FCAR: variants seen among roughly 807,000 people sequenced by gnomAD.
FCAR encodes the protein immunoglobulin alpha Fc receptor.
In FCAR, 21 loss-of-function variants were observed where a neutral mutation model predicts 27.1. The ratio of observed to expected loss-of-function variants is 0.77; its 90% confidence interval spans 0.55 to 1.11. The LOEUF (loss-of-function observed/expected upper bound fraction) is 1.11. Among genes scored for constraint, FCAR ranks in the 50% most tolerant of loss-of-function variants. FCAR has a pLI of 0.00. For missense variants in FCAR, 404 were observed against 358.4 expected (o/e 1.13, Z -1.03); for synonymous variants, 134 against 135.8 (o/e 0.99, Z 0.09).
Position 54,889,816 on chromosome 19 carries a change from T to C in FCAR, c.817T>C (p.Cys273Arg). The C allele has an allele frequency of 6.2e-7, 1 of 1,610,554 alleles. No individual in the cohort carries two copies. Among genetic ancestry groups the C allele is most frequent in the African/African-American group, 1.3e-5 (1 of 75,036 alleles). Residue 273 changes from cysteine to arginine, a missense_variant, in exon 5 of 5, where the codon TGT becomes CGT. Physicochemically the swap from Cys to Arg is radical, Grantham distance 180. Transcript: ENST00000355524. Reference protein sequence around the residue: ...VAEPSWSQQMCQPGLTFARTP... With the variant: ...VAEPSWSQQMRQPGLTFARTP... ...TGAACCGAGCTGGAGCCAACAGATG[T>C]GTCAGCCAGGATTGACCTTTGCACG...
intron 4 of FCAR, chr19:54,888,961 A>C (rs1349591273): frequency 1.1e-6 from 1 of 941,432 alleles, no homozygotes; most frequent in African/African-American, 1.8e-5. Flanking sequence ...CCAGCTACTC[A>C]GGAGGCTGAG....
Position 54,888,248 on chromosome 19 carries a change from CT to C in FCAR, c.604del (p.Tyr202ThrfsTer27). ...GCTACGGTTGGTACAACAGGAGCCCCTACCTGTGGTCCTTCCCCAGTAATGC... is the reference window on the plus strand; with the variant it reads ...GCTACGGTTGGTACAACAGGAGCCCCACCTGTGGTCCTTCCCCAGTAATGC... ...RCYGWYNRSPYLWSFPSNALE... is the reference protein window; with the variant it reads ...RCYGWYNRSPXLWSFPSNALE... On this transcript the variant is annotated frameshift_variant, in exon 4 of 5. Transcript: ENST00000355524. LOFTEE classifies it high-confidence loss of function. 1.2e-6 allele frequency: 2 copies of C among 1,614,154 alleles called. No individual in the cohort carries two copies. Among genetic ancestry groups the C allele is most frequent in the Non-Finnish European group, 1.7e-6 (2 of 1,179,996 alleles).
chr19:54,885,619 A>T, intron 3 of FCAR, 94 bp downstream of exon 3: 1 of 963,978 alleles, frequency 1.0e-6, no homozygotes, highest in South Asian at 1.7e-5. Context: ...ACAAACAAAA[A>T]AAAATTGATG....
At position 54,888,162 on chromosome 19, in the gene FCAR, G is replaced by A; in HGVS notation, c.517G>A (p.Glu173Lys). The A allele has an allele frequency of 6.2e-7, 1 of 1,614,152 alleles. No individual in the cohort carries two copies. The highest frequency in any genetic ancestry group is 1.1e-5 in the South Asian group (1 of 91,080). Residue 173 changes from glutamate to lysine, a missense_variant, in exon 4 of 5, where the codon GAA becomes AAA. By Grantham distance (56) the Glu-to-Lys change is moderately conservative. Transcript: ENST00000355524. ...TTCTCTGCCACAGCACCAAAGTGGG[G>A]AACACCCGGCCAACTTCTCTTTGGG... Reference protein sequence around the residue: ...ELSLPQHQSGEHPANFSLGPV... With the variant: ...ELSLPQHQSGKHPANFSLGPV...
chr19:54,877,471 C>A (rs937077858), intron 2 of FCAR, among the ~76,000 whole-genome samples: 2 of 151,896 alleles, frequency 1.3e-5, no homozygotes, highest in Admixed American at 1.3e-4. Context: ...TTGTGTTTAT[C>A]CGGATCATCT....
At position 54,891,203 on chromosome 19, in the gene FCAR, G is replaced by C. The variant is rs1052609583; in HGVS notation, c.*1340G>C. On this transcript the variant is annotated 3_prime_UTR_variant, in exon 5 of 5. Transcript: ENST00000355524. ...ACTTTACTCAAGGAAATCTAAGTTG[G>C]TCATATGTGGCTCTTTCACTGATTG... 4 of 152,060 alleles carry C rather than the reference G, an allele frequency of 2.6e-5. No individual in the cohort carries two copies. Among genetic ancestry groups the C allele is most frequent in the Non-Finnish European group, 4.4e-5 (3 of 68,022 alleles). The allele number at this position is 152,060 out of a possible 1,614,324, so 9.4% of individuals were successfully genotyped here. A position where few individuals can be genotyped will look rare whatever the true frequency, so the allele number is the denominator to read the frequency against.
chr19:54,886,008 T>A (rs891441517), intron 3 of FCAR, among the ~76,000 whole-genome samples: 2 of 151,334 alleles, frequency 1.3e-5, no homozygotes, highest in Admixed American at 1.3e-4. Flanking sequence ...ACACTTTGGG[T>A]GGCTGAGGTG....
At position 54,887,358 on chromosome 19, in the gene FCAR, C is replaced by G. The variant is rs778015848; in HGVS notation, c.362-649C>G. 2.0e-5 allele frequency among the ~76,000 whole-genome samples: 3 copies of G among 151,746 alleles called. 1 individual carries two copies. The highest frequency in any genetic ancestry group is 2.0e-4 in the Admixed American group (3 of 15,224). ...AAAAGAGGCTGGGCACTGTGGTTCA[C>G]GCCTGTAATCCCAGCACTTTGGGAG... On this transcript the variant is annotated intron_variant, in intron 3 of 4. Transcript: ENST00000355524.
In FCAR at chr19:54,891,267, A is replaced by G. The variant is rs1255272615; in HGVS notation, c.*1404A>G. 2.6e-5 allele frequency: 4 copies of G among 152,324 alleles called. No individual in the cohort carries two copies. Among genetic ancestry groups the G allele is most frequent in the East Asian group, 1.9e-4 (1 of 5,188 alleles). The allele number at this position is 152,324 out of a possible 1,614,324, so 9.4% of individuals were successfully genotyped here. A position where few individuals can be genotyped will look rare whatever the true frequency, so the allele number is the denominator to read the frequency against. On this transcript the variant is annotated 3_prime_UTR_variant, in exon 5 of 5. Transcript: ENST00000355524. ...TGTCCAGTAGCTTATGTATGAAAAT[A>G]TAATTATAAAATGTAAGGGTCCTAC...
At chr19:54,879,040 A>T (rs973780778) in intron 2 of FCAR, among the ~76,000 whole-genome samples, 1 of 132,590 alleles carries the variant, frequency 7.5e-6, no homozygotes, top group African/African-American at 2.8e-5. Context: ...CACCACGCCC[A>T]GCTATTTTTT....
Position 54,889,723 on chromosome 19 carries a change from T to C in FCAR, c.724T>C (p.Leu242=). 1 of 1,614,122 alleles carries C rather than the reference T, an allele frequency of 6.2e-7. No homozygotes were observed. The highest frequency in any genetic ancestry group is 1.1e-5 in the South Asian group (1 of 91,074). Residue 242 remains leucine (L), a synonymous_variant, in exon 5 of 5, where the codon TTG becomes CTG. Transcript: ENST00000355524. The part of the protein sequence containing the change: ...AVAGLVLVAL[L]AILVENWHSH... ...GGCAGGACTGGTCCTCGTGGCTCTC[T>C]TGGCCATACTGGTTGAAAATTGGCA...
At chr19:54,874,743 T>C (rs1174663515) in intron 1 of FCAR, among the ~76,000 whole-genome samples, 3 of 152,260 alleles carry the variant, frequency 2.0e-5, no homozygotes, top group Admixed American at 6.5e-5. Flanking sequence ...TCAACAAAGA[T>C]ATTATCCAGA....
chr19:54,874,450 A>C (rs977663759), intron 1 of FCAR, 127 bp downstream of exon 1: 3 of 884,842 alleles, frequency 3.4e-6, no homozygotes, highest in Non-Finnish European at 5.4e-6. Context: ...TCCTTAGTGG[A>C]AAGGCCGTCT....
Position 54,890,101 on chromosome 19 carries a change from A to G in FCAR, c.*238A>G. 1 of 571,492 alleles carries G rather than the reference A, an allele frequency of 1.7e-6. No homozygotes were observed. The highest frequency in any genetic ancestry group is 2.9e-5 in the East Asian group (1 of 34,210). The allele number at this position is 571,492 out of a possible 1,614,324, so 35.4% of individuals were successfully genotyped here. ...CCCAAGTAGCTGGAATTACAGGCAC[A>G]TACCACTGCACCCAGCTAATTTTTG... On this transcript the variant is annotated 3_prime_UTR_variant, in exon 5 of 5. Transcript: ENST00000355524.
At chr19:54,879,337 T>C (rs2066281920) in intron 2 of FCAR, among the ~76,000 whole-genome samples, 1 of 152,212 alleles carries the variant, frequency 6.6e-6, no homozygotes, top group Admixed American at 6.5e-5. Flanking sequence ...TGTTTTATAG[T>C]GTCACTGGTT....
intron 1 of FCAR, among the ~76,000 whole-genome samples, chr19:54,874,668 A>G (rs1340799350): frequency 6.6e-6 from 1 of 151,970 alleles, no homozygotes; most frequent in African/African-American, 2.4e-5. Context: ...GAAGGAAAAC[A>G]TATGATAGAA....
chr19:54,876,382 G>A (rs918698203), intron 2 of FCAR, among the ~76,000 whole-genome samples: 1 of 152,196 alleles, frequency 6.6e-6, no homozygotes, highest in East Asian at 1.9e-4. Context: ...GAAGTAGTGA[G>A]AGACGGCATC....
intron 3 of FCAR, among the ~76,000 whole-genome samples, chr19:54,885,782 C>T (rs1255568141): frequency 6.6e-6 from 1 of 152,194 alleles, no homozygotes; most frequent in Admixed American, 6.5e-5. Flanking sequence ...TAGTTTTTAC[C>T]TGATAGTCTT....
chr19:54,884,454 A>C (rs2145899122), intron 2 of FCAR, among the ~76,000 whole-genome samples: 1 of 152,168 alleles, frequency 6.6e-6, no homozygotes, highest in South Asian at 2.1e-4. Context: ...CAACATGGTG[A>C]AACCCCGTTT....
Sources: allele counts gnomAD v4.1 joint callset (sites outside exome capture counted in the v4.1 genomes callset), GRCh38; gene constraint gnomAD v4.1.1; transcripts MANE v1.5; gene names NCBI Gene and HGNC (gene_info 2026-07-23, HGNC 2026-07-21).